The following ZC3H12C variants were observed in gnomAD, a reference collection of about 807,000 sequenced individuals.
The protein encoded by ZC3H12C is zinc finger CCCH-type containing 12C, also known as probable ribonuclease ZC3H12C.
A neutral mutation model predicts 76.3 loss-of-function variants in ZC3H12C; 20 were observed. The observed-to-expected ratio is 0.26, with a 90% confidence interval of 0.18 to 0.38. ZC3H12C has a LOEUF of 0.38. Ranked by LOEUF, ZC3H12C falls within the 10% of genes least tolerant of loss-of-function variation. ZC3H12C has a pLI of 1.00. For synonymous variants in ZC3H12C, 352 were observed against 399.6 expected (o/e 0.88, Z 1.42); for missense variants, 874 against 1,086.5 (o/e 0.80, Z 2.75).
chr11:110,103,221 G>A (rs150531473), intron 1 of ZC3H12C, among the ~76,000 whole-genome samples: 2 of 152,150 alleles, frequency 1.3e-5, no homozygotes, highest in East Asian at 1.9e-4. Context: ...TTTCTTGAGG[G>A]GCAATACACA....
intron 1 of ZC3H12C, among the ~76,000 whole-genome samples, chr11:110,126,590 T>C (rs1486807195): frequency 3.9e-5 from 6 of 152,200 alleles, no homozygotes; most frequent in Admixed American, 3.9e-4. Flanking sequence ...ATCATGGTGA[T>C]AATTTTAATC....
rs986758296 is a variant in ZC3H12C at position 110,165,267 on chromosome 11, C to T, written c.2182C>T (p.Pro728Ser). 2 of 1,614,010 alleles carry T rather than the reference C, an allele frequency of 1.2e-6. No individual in the cohort carries two copies. Among genetic ancestry groups the T allele is most frequent in the South Asian group, 2.2e-5 (2 of 91,088 alleles). Residue 728 changes from proline (P) to serine (S), a missense_variant, in exon 6 of 6, where the codon CCT (proline) becomes TCT (serine). Around this residue, in one of 3 missense-constraint regions of ZC3H12C, gnomAD observed 395 missense variants for 434.4 expected, o/e 0.91. Coordinates refer to ENST00000278590, the MANE Select transcript of ZC3H12C (RefSeq NM_033390.2). ...RSSCPGDYPS[P>S]PSSAHSKAPH... ...CAGCTGTCCTGGCGACTACCCCTCT[C>T]CTCCAAGTTCAGCACACTCTAAGGC... is the stretch of plus-strand genomic sequence containing the variant.
chr11:110,093,682 C>T (rs767909395), intron 1 of ZC3H12C, among the ~76,000 whole-genome samples: 1 of 152,044 alleles, frequency 6.6e-6, no homozygotes, highest in Non-Finnish European at 1.5e-5. Flanking sequence ...ACGCCGTCCC[C>T]GCCGGGATTT....
chr11:110,130,899 T>A (rs1040020957), intron 1 of ZC3H12C: 7 of 829,532 alleles, frequency 8.4e-6, no homozygotes, highest in Non-Finnish European at 1.3e-5. Flanking sequence ...TTGTCTTGCA[T>A]CTGCCCGGCC....
At chr11:110,109,565 A>G (rs1307509789) in intron 1 of ZC3H12C, among the ~76,000 whole-genome samples, 1 of 151,996 alleles carries the variant, frequency 6.6e-6, no homozygotes, top group Non-Finnish European at 1.5e-5. Flanking sequence ...AATGGGTTTT[A>G]CTTTTTAATT....
rs1336684457 is a variant in ZC3H12C at position 110,165,325 on chromosome 11, G to A, written c.2240G>A (p.Arg747Lys). The A allele has an allele frequency of 3.1e-6, 5 of 1,613,888 alleles. No homozygotes were observed. The highest frequency in any genetic ancestry group is 3.4e-6 in the Non-Finnish European group (4 of 1,179,902). ...PHLGRSLVAT[R>K]IDSISDSRLY... Reference sequence around the variant, plus strand: ...CTAGGGAGGTCCTTGGTGGCCACGAGAATAGACAGCATCTCTGACTCTCGA... The same window carrying A: ...CTAGGGAGGTCCTTGGTGGCCACGAAAATAGACAGCATCTCTGACTCTCGA... The change falls in exon 6 of 6, where the codon AGA becomes AAA. Residue 747 changes from arginine to lysine, a missense_variant. By Grantham distance (26) the Arg-to-Lys change is conservative (BLOSUM62 2). Coordinates refer to ENST00000278590, the MANE Select transcript of ZC3H12C (RefSeq NM_033390.2).
intron 2 of ZC3H12C, among the ~76,000 whole-genome samples, chr11:110,152,691 G>A (rs999625603): frequency 6.6e-6 from 1 of 151,812 alleles, no homozygotes; most frequent in Non-Finnish European, 1.5e-5. Context: ...ACTCACTTTT[G>A]TTTCTTCTCT....
rs1862397093 is a variant in ZC3H12C, at chr11:110,157,345, A to G, written c.914-1911A>G. On this transcript the variant is annotated intron_variant, in intron 3 of 5. Coordinates refer to ENST00000278590, the MANE Select transcript of ZC3H12C (RefSeq NM_033390.2). ...TCAACTGCATTTGACAACATGAAGA[A>G]ACAGACTCAACAAGATTGTGATTGT... 2.0e-5 allele frequency among the ~76,000 whole-genome samples: 3 copies of G among 152,128 alleles called. 1 individual carries two copies. In the South Asian group the frequency reaches 6.2e-4, roughly 32 times the overall value.
chr11:110,163,182 C>A, intron 4 of ZC3H12C, 91 bp from the exon 5 acceptor site: 1 of 1,125,140 alleles, frequency 8.9e-7, no homozygotes, highest in South Asian at 1.8e-5. Flanking sequence ...AAAAAAAATT[C>A]CTTATAGAGG....
At chr11:110,160,739 AT>A (rs910504944) in intron 4 of ZC3H12C, among the ~76,000 whole-genome samples, 1 of 152,224 alleles carries the variant, frequency 6.6e-6, no homozygotes, top group Non-Finnish European at 1.5e-5. Flanking sequence ...AGTTAACATT[AT>A]TTTAGAAGTA....
chr11:110,097,778 A>T (rs1005780101), intron 1 of ZC3H12C, among the ~76,000 whole-genome samples: 1 of 152,220 alleles, frequency 6.6e-6, no homozygotes, highest in Non-Finnish European at 1.5e-5. Flanking sequence ...AACAGACTGC[A>T]TATATGACAG....
chr11:110,134,039 AAAT>A (rs1188739518), intron 1 of ZC3H12C, among the ~76,000 whole-genome samples: 14 of 152,216 alleles, frequency 9.2e-5, no homozygotes, highest in African/African-American at 3.4e-4. Context: ...GCTCAATATT[AAAT>A]AATATTTCCT....
At chr11:110,107,165 A>G (rs908737154) in intron 1 of ZC3H12C, among the ~76,000 whole-genome samples, 5 of 152,240 alleles carry the variant, frequency 3.3e-5, no homozygotes, top group African/African-American at 1.2e-4. Flanking sequence ...ATATATTTTC[A>G]GTATTTAAGA....
In ZC3H12C at chr11:110,159,246, A is replaced by G; in HGVS notation, c.914-10A>G. The G allele has an allele frequency of 3.1e-6, 5 of 1,596,918 alleles. No homozygotes were observed. The highest frequency in any genetic ancestry group is 4.3e-6 in the Non-Finnish European group (5 of 1,170,310). ...TACTTTCTGCCATCCTACCGTCATTATTCTTGCAGATCAGGAAATTTTACG... is the reference window on the plus strand; with the variant it reads ...TACTTTCTGCCATCCTACCGTCATTGTTCTTGCAGATCAGGAAATTTTACG... On this transcript the variant is annotated splice_polypyrimidine_tract_variant and intron_variant, in intron 3 of 5. Coordinates refer to ENST00000278590, the MANE Select transcript of ZC3H12C (RefSeq NM_033390.2).
chr11:110,117,929 CACACATAT>C (rs1861575000), intron 1 of ZC3H12C, among the ~76,000 whole-genome samples: 1 of 132,034 alleles, frequency 7.6e-6, no homozygotes, highest in African/African-American at 3.0e-5. Flanking sequence ...TATATACACA[CACACATAT>C]ATATATTATA....
rs1861605309 is a variant in ZC3H12C, at chr11:110,118,788, C to A, written c.22-17875C>A. Among the ~76,000 whole-genome samples, 3 of 151,774 alleles carry A rather than the reference C, an allele frequency of 2.0e-5. No individual in the cohort carries two copies. The South Asian group carries it at 6.2e-4, about 32-fold the overall frequency. On this transcript the variant is annotated intron_variant, in intron 1 of 5. Coordinates refer to ENST00000278590, the MANE Select transcript of ZC3H12C (RefSeq NM_033390.2). ...CTCCAGCCTGGGTGGCAAAGTGAGACCCTGTCTCAAAAAAAATTAAAATAA... is the reference window on the plus strand; with the variant it reads ...CTCCAGCCTGGGTGGCAAAGTGAGAACCTGTCTCAAAAAAAATTAAAATAA...
At chr11:110,117,511 A>G (rs1173152219) in intron 1 of ZC3H12C, among the ~76,000 whole-genome samples, 1 of 151,506 alleles carries the variant, frequency 6.6e-6, no homozygotes, top group Non-Finnish European at 1.5e-5. Flanking sequence ...AATGCTTGCT[A>G]TATGCCTTGC....
chr11:110,094,435 G>C (rs1861077085), intron 1 of ZC3H12C, among the ~76,000 whole-genome samples: 2 of 152,278 alleles, frequency 1.3e-5, no homozygotes, highest in South Asian at 4.1e-4. Flanking sequence ...CACTTGTTAC[G>C]TGCTTGAGTT....
chr11:110,161,105 A>G (rs1862471982), intron 4 of ZC3H12C, among the ~76,000 whole-genome samples: 1 of 152,128 alleles, frequency 6.6e-6, no homozygotes, highest in South Asian at 2.1e-4. Context: ...TGGCCTCCCA[A>G]AATGCTGGGA....
Sources: allele counts gnomAD v4.1 joint callset (sites outside exome capture counted in the v4.1 genomes callset), GRCh38; gene constraint gnomAD v4.1.1; regional missense constraint gnomAD v4.1.1; transcripts MANE v1.5; gene names NCBI Gene and HGNC (gene_info 2026-07-23, HGNC 2026-07-21).